The following MRS2 variants were observed in gnomAD, a reference collection of about 807,000 sequenced individuals.
MRS2 encodes magnesium transporter MRS2 homolog, mitochondrial.
Under a neutral mutation model 52.6 loss-of-function variants are expected in MRS2, and 40 were observed. The ratio of observed to expected loss-of-function variants is 0.76; its 90% CI spans 0.59 to 0.99. The LOEUF (loss-of-function observed/expected upper bound fraction) is 0.99, where lower values mean the gene tolerates loss of function less well. Among genes scored for constraint, MRS2 ranks in the 50% least tolerant of loss-of-function variants. The probability of loss-of-function intolerance (pLI) is 0.00; values close to 1 mark genes in which losing one functional copy is unlikely to be tolerated. For missense variants in MRS2, 472 were observed against 532.7 expected, an observed-to-expected ratio of 0.89 and a Z score of 1.12; for synonymous variants, 193 against 195.9, an observed-to-expected ratio of 0.98 and a Z score of 0.13.
In MRS2 at chr6:24,418,587, G is replaced by A. The variant is rs756710648; in HGVS notation, c.1107+9G>A. ...AATCTTCCCTTGAAGAGGTGAGAATGTATTATTATTTCTAAAACTTGGGGG... is the reference window on the plus strand; with the variant it reads ...AATCTTCCCTTGAAGAGGTGAGAATATATTATTATTTCTAAAACTTGGGGG... On this transcript the variant is annotated intron_variant, in intron 9 of 10. Transcript: ENST00000378386. The A allele has an allele frequency of 6.3e-7, 1 of 1,595,204 alleles. No individual in the cohort carries two copies. Among genetic ancestry groups the A allele is most frequent in the East Asian group, 2.2e-5 (1 of 44,758 alleles).
chr6:24,415,281 G>A (rs1272952790), intron 6 of MRS2, 118 bp downstream of exon 6: 3 of 956,626 alleles, frequency 3.1e-6, no homozygotes, highest in East Asian at 2.7e-5. Flanking sequence ...GGGAAGTTGA[G>A]CTAAAAGGGG....
chr6:24,412,789 G>A (rs10946696), intron 5 of MRS2, among the ~76,000 whole-genome samples: 3,355 of 152,216 alleles, frequency 0.022, 126 homozygotes, highest in African/African-American at 0.075. Context: ...GTCCTTAGAT[G>A]TCTGAGACTC....
chr6:24,418,759 C>G (rs1264525836), intron 9 of MRS2, 181 bp downstream of exon 9: 2 of 447,848 alleles, frequency 4.5e-6, no homozygotes, highest in African/African-American at 4.0e-5. Context: ...ATTAGACAGG[C>G]ACGGTGGCAG....
At chr6:24,406,670 G>C (rs956521281) in intron 2 of MRS2, among the ~76,000 whole-genome samples, 1 of 152,178 alleles carries the variant, frequency 6.6e-6, no homozygotes, top group Non-Finnish European at 1.5e-5. Flanking sequence ...AGCTACTCAG[G>C]AGGCTGAGGC....
intron 9 of MRS2, among the ~76,000 whole-genome samples, chr6:24,422,444 C>T (rs1054257844): frequency 1.3e-5 from 2 of 152,152 alleles, no homozygotes; most frequent in African/African-American, 4.8e-5. Context: ...CCTTGGATCA[C>T]GATGCCCTTA....
At chr6:24,405,668 G>C (rs929455992) in intron 2 of MRS2, among the ~76,000 whole-genome samples, 1 of 151,392 alleles carries the variant, frequency 6.6e-6, no homozygotes, top group Non-Finnish European at 1.5e-5. Flanking sequence ...TGTATCACAC[G>C]TATTTTTAGA....
In MRS2 at chr6:24,425,233, T is replaced by G. The variant is rs1762192886; in HGVS notation, c.*1539T>G. 1 of 152,222 alleles carries G rather than the reference T, an allele frequency of 6.6e-6. No homozygotes were observed. The highest frequency in any genetic ancestry group is 1.5e-5 in the Non-Finnish European group (1 of 68,042). The allele number at this position is 152,222 out of a possible 1,614,324, so 9.4% of individuals were successfully genotyped here. On this transcript the variant is annotated 3_prime_UTR_variant, in exon 11 of 11. Coordinates refer to ENST00000378386, the MANE Select transcript of MRS2 (RefSeq NM_020662.4). Reference sequence around the variant, plus strand: ...TATTTTGGGTCGTATCACTGTAAAATACATAATAAGTACTACTTAACTGTG... The same window carrying G: ...TATTTTGGGTCGTATCACTGTAAAAGACATAATAAGTACTACTTAACTGTG...
At chr6:24,403,316 G>C (rs1761350609) in intron 1 of MRS2, 80 bp downstream of exon 1, 5 of 1,374,388 alleles carry the variant, frequency 3.6e-6, no homozygotes, top group Non-Finnish European at 4.8e-6. Flanking sequence ...GTCCGGCGCG[G>C]CGCGCCTGTT....
rs765898457 is a variant in MRS2, at chr6:24,423,541, C to CTT, written c.1222-40_1222-39dup. ...ATACATCATTTTACTAGTGGCTTTTCTTTTAAAAAAGATACTAAAATTAAT... is the reference window on the plus strand; with the variant it reads ...ATACATCATTTTACTAGTGGCTTTTCTTTTTTAAAAAAGATACTAAAATTAAT... On this transcript the variant is annotated intron_variant, in intron 10 of 10. Coordinates refer to ENST00000378386, the MANE Select transcript of MRS2 (RefSeq NM_020662.4). The CTT allele has an allele frequency of 1.9e-4, 223 of 1,185,680 alleles. 3 individuals are homozygous for CTT. The African/African-American group carries it at 2.5e-3, about 14-fold the overall frequency. 73.4% of individuals were successfully genotyped at this position (1,185,680 alleles called of 1,614,324 possible).
intron 9 of MRS2, among the ~76,000 whole-genome samples, chr6:24,419,440 A>G (rs1761970391): frequency 6.6e-6 from 1 of 152,206 alleles, no homozygotes; most frequent in Admixed American, 6.5e-5. Flanking sequence ...AGCAGTGTTA[A>G]TGAAGAGTTT....
rs1762138203 is a variant in MRS2 at position 24,423,816 on chromosome 6, A to G, written c.*122A>G. 1 of 443,462 alleles carries G rather than the reference A, an allele frequency of 2.3e-6. No individual in the cohort carries two copies. Among genetic ancestry groups the G allele is most frequent in the South Asian group, 5.8e-5 (1 of 17,236 alleles). 27.5% of individuals were successfully genotyped at this position (443,462 alleles called of 1,614,324 possible). On this transcript the variant is annotated 3_prime_UTR_variant, in exon 11 of 11. Coordinates refer to ENST00000378386, the MANE Select transcript of MRS2 (RefSeq NM_020662.4). ...AAAAAACTAATGTTTGAAGACAAAA[A>G]TATTTTGGCAGTCACAATACCAGAA...
Position 24,423,620 on chromosome 6 carries a change from A to G in MRS2, c.1258A>G (p.Arg420Gly). 2 of 1,611,714 alleles carry G rather than the reference A, an allele frequency of 1.2e-6. No individual in the cohort carries two copies. Among genetic ancestry groups the G allele is most frequent in the South Asian group, 1.1e-5 (1 of 91,002 alleles). Residue 420 changes from arginine to glycine, a missense_variant, in exon 11 of 11, where the codon AGA becomes GGA. By Grantham distance (125) the Arg-to-Gly change is moderately radical (BLOSUM62 -2). Coordinates refer to ENST00000378386, the MANE Select transcript of MRS2 (RefSeq NM_020662.4). ...SLPKKTLLAD[R>G]SMELKNSLRL... ...ACCTAAAAAGACTCTTCTGGCAGATAGAAGCATGGAATTGAAAAATAGCCT... is the reference window on the plus strand; with the variant it reads ...ACCTAAAAAGACTCTTCTGGCAGATGGAAGCATGGAATTGAAAAATAGCCT...
At chr6:24,411,727 C>G (rs531524146) in intron 4 of MRS2, among the ~76,000 whole-genome samples, 1 of 151,962 alleles carries the variant, frequency 6.6e-6, no homozygotes, top group Non-Finnish European at 1.5e-5. Context: ...TTAGTAGAGA[C>G]GGGGTTTCAC....
Position 24,423,704 on chromosome 6 carries a change from C to T in MRS2, c.*10C>T, listed in dbSNP as rs779571609. ...CCTAACAAACCGTTAGGAACAGCCCCGTGGATACTGAAGTTTTTTTTATGG... is the reference window on the plus strand; with the variant it reads ...CCTAACAAACCGTTAGGAACAGCCCTGTGGATACTGAAGTTTTTTTTATGG... On this transcript the variant is annotated 3_prime_UTR_variant, in exon 11 of 11. Transcript: ENST00000378386. 17 of 1,448,560 alleles carry T rather than the reference C, an allele frequency of 1.2e-5. No homozygotes were observed. The highest frequency in any genetic ancestry group is 2.8e-5 in the African/African-American group (2 of 70,508). 89.7% of individuals were successfully genotyped at this position (1,448,560 alleles called of 1,614,324 possible).
In MRS2 at chr6:24,422,975, C is replaced by G. The variant is rs1339144694; in HGVS notation, c.1146C>G (p.Phe382Leu). The G allele has an allele frequency of 1.2e-6, 2 of 1,614,042 alleles. No individual in the cohort carries two copies. Among genetic ancestry groups the G allele is most frequent in the Admixed American group, 1.7e-5 (1 of 59,994 alleles). ...TTTGGCTGATTACAGGAATTATGTT[C>G]ATGGGAAGTGGCCTCATCTGGAGGC... ...RIFWLITGIMFMGSGLIWRRL... is the reference protein window; with the variant it reads ...RIFWLITGIMLMGSGLIWRRL... Residue 382 changes from phenylalanine to leucine, a missense_variant, in exon 10 of 11, where the codon TTC becomes TTG. Transcript: ENST00000378386.
intron 5 of MRS2, among the ~76,000 whole-genome samples, chr6:24,413,234 G>A (rs1761727267): frequency 6.6e-6 from 1 of 152,068 alleles, no homozygotes; most frequent in African/African-American, 2.4e-5. Flanking sequence ...GAAAGACAGG[G>A]ATCTTAAAGG....
rs1285474382 is a variant in MRS2, at chr6:24,418,445, G to A, written c.990-16G>A. The A allele has an allele frequency of 2.5e-6, 4 of 1,613,668 alleles. No homozygotes were observed. The highest frequency in any genetic ancestry group is 3.4e-6 in the Non-Finnish European group (4 of 1,179,932). On this transcript the variant is annotated splice_polypyrimidine_tract_variant and intron_variant, in intron 8 of 10. Coordinates refer to ENST00000378386, the MANE Select transcript of MRS2 (RefSeq NM_020662.4). ...TAGTGGGCCCTTCTAATCTGAATAG[G>A]TGTTCTCCTCTCCAGCCACCGAAAC...
At chr6:24,404,478 TC>T (rs993116351) in intron 1 of MRS2, among the ~76,000 whole-genome samples, 2 of 152,226 alleles carry the variant, frequency 1.3e-5, no homozygotes, top group Admixed American at 1.3e-4. Context: ...GGTTTTTTTT[TC>T]TACAGTCTCT....
intron 4 of MRS2, 146 bp from the exon 5 acceptor site, chr6:24,412,076 A>G (rs1290745088): frequency 2.2e-6 from 1 of 449,768 alleles, no homozygotes; most frequent in Non-Finnish European, 3.6e-6. Flanking sequence ...TTAGTAAAGT[A>G]TTAAACCAAA....
Sources: allele counts gnomAD v4.1 joint callset (sites outside exome capture counted in the v4.1 genomes callset), GRCh38; gene constraint gnomAD v4.1.1; transcripts MANE v1.5; gene names NCBI Gene and HGNC (gene_info 2026-07-23, HGNC 2026-07-21).